The following CNTN5 variants were observed in gnomAD, a reference collection of about 807,000 sequenced individuals.
CNTN5 encodes the protein contactin 5.
CNTN5 carries 77 observed loss-of-function variants against 129.1 expected under a neutral mutation model. The ratio of observed to expected loss-of-function variants is 0.60; its 90% confidence interval spans 0.50 to 0.72. CNTN5 has a LOEUF of 0.72. CNTN5 is among the 30% of genes least tolerant of loss of function. The pLI, the probability that CNTN5 is intolerant of heterozygous loss-of-function variation, is 0.00. For synonymous variants in CNTN5, 509 were observed against 465.6 expected, an observed-to-expected ratio of 1.09 and a Z score of -1.20; for missense variants, 1,478 against 1,328.8, an observed-to-expected ratio of 1.11 and a Z score of -1.75.
chr11:100,309,512 T>A, intron 21 of CNTN5: 1 of 971,682 alleles, frequency 1.0e-6, no homozygotes. Flanking sequence ...ATTTCTACAA[T>A]CTTGCTTCAA....
chr11:100,191,812 A>G (rs1194817691), intron 14 of CNTN5, among the ~76,000 whole-genome samples: 1 of 151,956 alleles, frequency 6.6e-6, no homozygotes, highest in Non-Finnish European at 1.5e-5. Context: ...CATTCATTTT[A>G]TCGTTCTAAA....
intron 13 of CNTN5, among the ~76,000 whole-genome samples, chr11:100,104,046 T>G (rs1945327667): frequency 6.6e-6 from 1 of 152,024 alleles, no homozygotes; most frequent in Non-Finnish European, 1.5e-5. Flanking sequence ...ACATATTATT[T>G]TAAAACAAAA....
intron 15 of CNTN5, among the ~76,000 whole-genome samples, chr11:100,213,219 C>T (rs1365217265): frequency 6.6e-6 from 1 of 152,080 alleles, no homozygotes; most frequent in African/African-American, 2.4e-5. Flanking sequence ...AATATGAAAT[C>T]TTGGATCAAA....
intron 4 of CNTN5, among the ~76,000 whole-genome samples, chr11:99,837,579 CA>C (rs2135652267): frequency 6.6e-6 from 1 of 151,068 alleles, no homozygotes; most frequent in South Asian, 2.1e-4. Context: ...AACTAAGTCA[CA>C]TGGCCCCATG....
intron 1 of CNTN5, among the ~76,000 whole-genome samples, chr11:99,108,318 T>C (rs982076496): frequency 1.3e-5 from 2 of 152,156 alleles, no homozygotes; most frequent in South Asian, 2.1e-4. Flanking sequence ...GCCCCTAAGA[T>C]AAAATATGAT....
intron 1 of CNTN5, among the ~76,000 whole-genome samples, chr11:99,221,642 G>A (rs1860401433): frequency 6.6e-6 from 1 of 151,840 alleles, no homozygotes; most frequent in African/African-American, 2.4e-5. Flanking sequence ...TGTCCCAGGA[G>A]TATGGTTTAC....
chr11:99,028,563 A>G lies in CNTN5; in HGVS notation c.-210+7293A>G, dbSNP rs985280578. Among the ~76,000 whole-genome samples the G allele has an allele frequency of 2.6e-5, 4 of 151,870 alleles. No homozygotes were observed. The East Asian group carries it at 7.7e-4, about 29-fold the overall frequency. ...TCTCTAACTGCTGCATTTACTTTTC[A>G]GTGCCTAAGTTATTTTAAAGTGACT... is the stretch of plus-strand genomic sequence containing the variant. On this transcript the variant is annotated intron_variant, in intron 1 of 24. Transcript: ENST00000524871.
At chr11:99,186,315 A>T (rs1191596714) in intron 1 of CNTN5, among the ~76,000 whole-genome samples, 1 of 151,942 alleles carries the variant, frequency 6.6e-6, no homozygotes, top group Non-Finnish European at 1.5e-5. Context: ...TAGCACTCAT[A>T]CCTTGTAGAG....
chr11:100,178,589 G>C (rs960304912), intron 13 of CNTN5, among the ~76,000 whole-genome samples: 2 of 152,180 alleles, frequency 1.3e-5, no homozygotes, highest in Non-Finnish European at 2.9e-5. Context: ...CATAGCACAA[G>C]ATATACACTA....
intron 13 of CNTN5, among the ~76,000 whole-genome samples, chr11:100,127,041 T>TCCCAGGTAG (rs1946205110): frequency 6.7e-6 from 1 of 148,930 alleles, no homozygotes; most frequent in Admixed American, 6.7e-5. Flanking sequence ...CACATTAGCC[T>TCCCAGGTAG]CCCAGGTAGC....
chr11:99,720,003 C>G lies in CNTN5; in HGVS notation c.56-99541C>G, dbSNP rs117103813. 2.5e-4 allele frequency among the ~76,000 whole-genome samples: 38 copies of G among 152,084 alleles called. 1 individual carries two copies. In the East Asian group the frequency reaches 6.6e-3, roughly 26 times the overall value. ...GGTAGAAATCAATTCCCTGAATAGACCCAATAACAAGTTGCAAAATTAGTA... is the reference window on the plus strand; with the variant it reads ...GGTAGAAATCAATTCCCTGAATAGAGCCAATAACAAGTTGCAAAATTAGTA... On this transcript the variant is annotated intron_variant, in intron 3 of 24. Coordinates refer to ENST00000524871, the MANE Select transcript of CNTN5 (RefSeq NM_014361.4).
rs552432890 is a variant in CNTN5 at position 99,056,801 on chromosome 11, A to T, written c.-210+35531A>T. Among the ~76,000 whole-genome samples, 3 of 152,176 alleles carry T rather than the reference A, an allele frequency of 2.0e-5. No individual in the cohort carries two copies. In the East Asian group the frequency reaches 5.8e-4, roughly 29 times the overall value. Reference sequence around the variant, plus strand: ...ATGCCCAGACACTGAAGTGGTTCATATGTTATGTCCAAGAAAACATTAGAA... The same window carrying T: ...ATGCCCAGACACTGAAGTGGTTCATTTGTTATGTCCAAGAAAACATTAGAA... On this transcript the variant is annotated intron_variant, in intron 1 of 24. Coordinates refer to ENST00000524871, the MANE Select transcript of CNTN5 (RefSeq NM_014361.4).
At chr11:99,450,716 A>G (rs1259836366) in intron 2 of CNTN5, among the ~76,000 whole-genome samples, 2 of 149,590 alleles carry the variant, frequency 1.3e-5, no homozygotes, top group East Asian at 3.9e-4. Flanking sequence ...ACAAGAAGGC[A>G]AGTTTTGTTC....
chr11:99,674,279 G>T (rs768431129), intron 3 of CNTN5, among the ~76,000 whole-genome samples: 6 of 128,456 alleles, frequency 4.7e-5, no homozygotes, highest in Non-Finnish European at 8.1e-5. Context: ...AATTGTTTAA[G>T]CCCTTGGCCC....
chr11:99,884,124 T>C (rs893456906), intron 6 of CNTN5, among the ~76,000 whole-genome samples: 1 of 152,146 alleles, frequency 6.6e-6, no homozygotes, highest in African/African-American at 2.4e-5. Context: ...GGAGGAAAGA[T>C]CCTGAATCTA....
At chr11:100,302,193 TAAA>T (rs1393127410) in intron 20 of CNTN5, among the ~76,000 whole-genome samples, 19 of 151,726 alleles carry the variant, frequency 1.3e-4, no homozygotes, top group Admixed American at 1.1e-3. Flanking sequence ...TTGCTTTACT[TAAA>T]AAGGAGTGAG....
intron 1 of CNTN5, among the ~76,000 whole-genome samples, chr11:99,288,078 A>G (rs562442542): frequency 2.0e-3 from 302 of 152,132 alleles, no homozygotes; most frequent in Non-Finnish European, 3.5e-3. Context: ...AAAATGAACA[A>G]GAAAAAATCT....
intron 2 of CNTN5, among the ~76,000 whole-genome samples, chr11:99,536,214 T>G (rs1361343865): frequency 6.6e-6 from 1 of 152,170 alleles, no homozygotes; most frequent in African/African-American, 2.4e-5. Context: ...TTTAATGCAT[T>G]GTTTGATTAG....
chr11:99,455,195 T>C (rs2135209937), intron 2 of CNTN5, among the ~76,000 whole-genome samples: 1 of 152,208 alleles, frequency 6.6e-6, no homozygotes, highest in Non-Finnish European at 1.5e-5. Flanking sequence ...CACACAAAGA[T>C]GAACTAAATA....
Sources: allele counts gnomAD v4.1 joint callset (sites outside exome capture counted in the v4.1 genomes callset), GRCh38; gene constraint gnomAD v4.1.1; transcripts MANE v1.5; gene names NCBI Gene and HGNC (gene_info 2026-07-23, HGNC 2026-07-21).